The following SNX30 variants were observed in gnomAD, a reference collection of about 807,000 sequenced individuals.
SNX30 encodes the protein sorting nexin family member 30.
SNX30 carries 24 observed loss-of-function variants against 46.4 expected under a neutral mutation model. The ratio of observed to expected loss-of-function variants is 0.52; its 90% CI spans 0.37 to 0.73. SNX30 has a LOEUF of 0.73. SNX30 is among the 30% of genes least tolerant of loss of function. SNX30 has a pLI of 0.00. For missense variants in SNX30, 533 were observed against 555.7 expected, an observed-to-expected ratio of 0.96 and a Z score of 0.41; for synonymous variants, 189 against 211.5, an observed-to-expected ratio of 0.89 and a Z score of 0.92.
chr9:112,788,211 G>A (rs909079805), intron 1 of SNX30, among the ~76,000 whole-genome samples: 1 of 152,002 alleles, frequency 6.6e-6, no homozygotes, highest in African/African-American at 2.4e-5. Flanking sequence ...TCCTTGAGAA[G>A]GTTTGGGCTG....
rs1440038607 is a variant in SNX30, at chr9:112,751,056, G to T, written c.55G>T (p.Asp19Tyr). The T allele has an allele frequency of 2.7e-6, 4 of 1,493,162 alleles. No individual in the cohort carries two copies. The South Asian group carries it at 3.8e-5, about 14-fold the overall frequency. The allele number at this position is 1,493,162 out of a possible 1,614,324, so 92.5% of individuals were successfully genotyped here. ...LPSTGPHSLRDMPHPLAGSSS... is the reference protein window; with the variant it reads ...LPSTGPHSLRYMPHPLAGSSS... Reference sequence around the variant, plus strand: ...GTCCACGGGGCCCCACTCCCTGCGCGACATGCCGCACCCGCTGGCCGGCTC... The same window carrying T: ...GTCCACGGGGCCCCACTCCCTGCGCTACATGCCGCACCCGCTGGCCGGCTC... Residue 19 changes from aspartate to tyrosine, a missense_variant, in exon 1 of 9, where the codon GAC becomes TAC. By Grantham distance (160) the Asp-to-Tyr change is radical. This residue lies in a region of SNX30 where 191 missense variants were observed against 160.3 expected (regional missense o/e 1.19). Transcript: ENST00000374232.
rs577585621 is a variant in SNX30 at position 112,771,968 on chromosome 9, T to A, written c.156+20811T>A. 9.8e-5 allele frequency among the ~76,000 whole-genome samples: 15 copies of A among 152,316 alleles called. No individual in the cohort carries two copies. In the East Asian group the frequency reaches 2.7e-3, roughly 27 times the overall value. On this transcript the variant is annotated intron_variant, in intron 1 of 8. Coordinates refer to ENST00000374232, the MANE Select transcript of SNX30 (RefSeq NM_001012994.2). The stretch of plus-strand genomic sequence containing the variant: ...TTCTGGCTTGAGACATTCTTTTTTT[T>A]CCTGGTTCAAGTCATGGAGCAGGGG...
chr9:112,862,872 C>T (rs1004417747), intron 7 of SNX30, among the ~76,000 whole-genome samples: 7 of 151,346 alleles, frequency 4.6e-5, no homozygotes, highest in African/African-American at 1.7e-4. Flanking sequence ...TTTTTTTTTT[C>T]CCTCTTCCAG....
At chr9:112,832,571 TTA>T (rs1840681791) in intron 4 of SNX30, among the ~76,000 whole-genome samples, 1 of 138,296 alleles carries the variant, frequency 7.2e-6, no homozygotes, top group African/African-American at 2.7e-5. Context: ...TATAAGGTCC[TTA>T]TATGAGAACA....
chr9:112,751,841 C>T (rs569325679), intron 1 of SNX30, among the ~76,000 whole-genome samples: 4 of 152,220 alleles, frequency 2.6e-5, no homozygotes, highest in African/African-American at 7.2e-5. Context: ...CTTCTTTGTA[C>T]GGAGGGAGGC....
chr9:112,783,796 T>C (rs1839880650), intron 1 of SNX30, among the ~76,000 whole-genome samples: 1 of 152,184 alleles, frequency 6.6e-6, no homozygotes, highest in Non-Finnish European at 1.5e-5. Flanking sequence ...GGCTGCTGGT[T>C]TGTGAGAGTG....
chr9:112,822,116 G>A (rs1467390377), intron 3 of SNX30, among the ~76,000 whole-genome samples: 1 of 151,832 alleles, frequency 6.6e-6, no homozygotes, highest in Non-Finnish European at 1.5e-5. Flanking sequence ...GTCTTGCTAT[G>A]TTGCCCAGGC....
At position 112,864,532 on chromosome 9, in the gene SNX30, C is replaced by T. The variant is rs115586359; in HGVS notation, c.1254+133C>T. The T allele has an allele frequency of 7.0e-4, 834 of 1,194,016 alleles. 6 individuals carry two copies. The African/African-American group carries it at 0.01, about 15-fold the overall frequency. 74.0% of individuals were successfully genotyped at this position (1,194,016 alleles called of 1,614,324 possible). On this transcript the variant is annotated intron_variant, in intron 8 of 8. Transcript: ENST00000374232. ...ATTTTAGCTGCTTAGTCTTGGCTCC[C>T]GCTTCATGCCCTTGCCCAACCATGT...
intron 6 of SNX30, among the ~76,000 whole-genome samples, chr9:112,838,949 C>T (rs888211316): frequency 1.3e-5 from 2 of 151,884 alleles, no homozygotes; most frequent in African/African-American, 4.8e-5. Context: ...AGATATAATG[C>T]CTATGAAATA....
At chr9:112,819,266 C>CTTTTTTTTTTTTT (rs35138610) in intron 3 of SNX30, among the ~76,000 whole-genome samples, 1 of 117,028 alleles carries the variant, frequency 8.5e-6, no homozygotes, top group Non-Finnish European at 1.7e-5. Context: ...TTCTTTCTTT[C>CTTTTTTTTTTTTT]TTTTTTTTTT....
At chr9:112,854,660 G>C (rs1756471236) in intron 7 of SNX30, among the ~76,000 whole-genome samples, 1 of 152,232 alleles carries the variant, frequency 6.6e-6, no homozygotes, top group African/African-American at 2.4e-5. Flanking sequence ...AGTGGCAGCA[G>C]CAGAAATCCT....
At chr9:112,856,590 A>G (rs1841133706) in intron 7 of SNX30, 1 of 152,132 alleles carries the variant, frequency 6.6e-6, no homozygotes, top group Non-Finnish European at 1.5e-5. Context: ...GAAAGTGGAA[A>G]TTGGGCTCTC....
At chr9:112,756,811 G>A (rs898667124) in intron 1 of SNX30, among the ~76,000 whole-genome samples, 3 of 152,124 alleles carry the variant, frequency 2.0e-5, no homozygotes, top group East Asian at 3.9e-4. Context: ...CGCACCCTGC[G>A]TTGTAATACC....
At chr9:112,884,708 T>C (rs1395064581), downstream of SNX30, among the ~76,000 whole-genome samples, 1 of 152,266 alleles carries the variant, frequency 6.6e-6, no homozygotes, top group African/African-American at 2.4e-5. Flanking sequence ...CTAAGTGCCT[T>C]ACCTGCATAA....
At chr9:112,883,517 A>G (rs1841608191), downstream of SNX30, among the ~76,000 whole-genome samples, 1 of 151,792 alleles carries the variant, frequency 6.6e-6, no homozygotes, top group Non-Finnish European at 1.5e-5. Context: ...GTTTGGGAAG[A>G]TTAGTTTAAA....
At chr9:112,808,868 GT>G (rs1840272885) in intron 2 of SNX30, among the ~76,000 whole-genome samples, 1 of 152,064 alleles carries the variant, frequency 6.6e-6, no homozygotes, top group South Asian at 2.1e-4. Flanking sequence ...CATTTATTTT[GT>G]GCTAAATGCT....
At chr9:112,773,949 T>C (rs562130832) in intron 1 of SNX30, among the ~76,000 whole-genome samples, 5 of 152,366 alleles carry the variant, frequency 3.3e-5, no homozygotes, top group East Asian at 1.9e-4. Flanking sequence ...AACATGATGA[T>C]GCTGAAAAGA....
chr9:112,842,863 T>C (rs1384449543), intron 6 of SNX30, among the ~76,000 whole-genome samples: 1 of 152,228 alleles, frequency 6.6e-6, no homozygotes. Flanking sequence ...CAGCTTGTAC[T>C]AGAAAGACGG....
At chr9:112,770,150 T>G (rs1421395828) in intron 1 of SNX30, among the ~76,000 whole-genome samples, 1 of 152,094 alleles carries the variant, frequency 6.6e-6, no homozygotes, top group Non-Finnish European at 1.5e-5. Flanking sequence ...GCATCATGTC[T>G]CTTGCTTTTT....
Sources: gnomAD v4.1 joint callset for allele counts (sites outside exome capture counted in the v4.1 genomes callset) on GRCh38, gnomAD v4.1.1 for gene constraint, gnomAD v4.1.1 regional missense constraint, MANE v1.5 for transcripts, NCBI Gene and HGNC (gene_info 2026-07-23, HGNC 2026-07-21) for gene names.